SLC17A1: variants seen among roughly 807,000 people sequenced by gnomAD.
SLC17A1 encodes solute carrier family 17 member 1.
Under a neutral mutation model 53.5 loss-of-function variants are expected in SLC17A1, and 51 were observed. The ratio of observed to expected loss-of-function variants is 0.95; its 90% CI spans 0.76 to 1.20. The LOEUF is 1.20. Among genes scored for constraint, SLC17A1 ranks in the 50% most tolerant of loss-of-function variants. SLC17A1 has a pLI of 0.00. For synonymous variants in SLC17A1, 179 were observed against 198.8 expected (o/e 0.90, Z 0.84); for missense variants, 538 against 568.2 (o/e 0.95, Z 0.54).
At chr6:25,742,763 C>T in the SLC17A1 span, among the ~76,000 whole-genome samples, 1 of 152,064 alleles carries the variant, frequency 6.6e-6, no homozygotes, top group South Asian at 2.1e-4. Flanking sequence ...ATGATCCTGC[C>T]ACTGCACTGG....
At chr6:25,768,814 C>A in the SLC17A1 span, among the ~76,000 whole-genome samples, 3 of 152,302 alleles carry the variant, frequency 2.0e-5, no homozygotes, top group East Asian at 5.8e-4. Context: ...GGAGCCACCT[C>A]CCCCATTACC....
chr6:25,811,881 G>T, intron 8 of SLC17A1, 111 bp from the exon 9 acceptor site: 1 of 1,177,658 alleles, frequency 8.5e-7, no homozygotes, highest in Non-Finnish European at 1.2e-6. Flanking sequence ...TTTCATATAG[G>T]AAATCATCAA....
chr6:25,738,492 A>G, the SLC17A1 span, among the ~76,000 whole-genome samples: 1 of 151,702 alleles, frequency 6.6e-6, no homozygotes, highest in African/African-American at 2.4e-5. Context: ...TTTTGAGTCT[A>G]GATGTATGCA....
the SLC17A1 span, among the ~76,000 whole-genome samples, chr6:25,735,814 G>T: frequency 2.0e-5 from 3 of 152,150 alleles, no homozygotes; most frequent in African/African-American, 7.2e-5. Flanking sequence ...GATGAAAATG[G>T]TCAATCAGGG....
At chr6:25,724,813 G>T in the SLC17A1 span, among the ~76,000 whole-genome samples, 3 of 152,110 alleles carry the variant, frequency 2.0e-5, no homozygotes, top group Non-Finnish European at 4.4e-5. Context: ...ACATATAGTT[G>T]CCATTTCTGT....
the SLC17A1 span, among the ~76,000 whole-genome samples, chr6:25,749,490 C>T: frequency 0.012 from 1,641 of 141,526 alleles, 20 homozygotes; most frequent in South Asian, 0.036. Flanking sequence ...GGAGACAAAA[C>T]CTAAAAAAAT....
chr6:25,726,911 G>C, the SLC17A1 span: 2 of 1,611,302 alleles, frequency 1.2e-6, no homozygotes, highest in Non-Finnish European at 1.7e-6. Context: ...TGGTAGCTAT[G>C]CCGGAGGTGT....
intron 12 of SLC17A1, among the ~76,000 whole-genome samples, chr6:25,784,532 T>C (rs1167293549): frequency 6.6e-6 from 1 of 152,108 alleles, no homozygotes; most frequent in Non-Finnish European, 1.5e-5. Context: ...TCTCCTGAAC[T>C]CAGAGTGAGA....
At chr6:25,726,783 T>C in the SLC17A1 span, 1 of 1,269,786 alleles carries the variant, frequency 7.9e-7, no homozygotes, top group Admixed American at 2.3e-5. Flanking sequence ...TTCTGTTTGT[T>C]TACTTGGCGA....
chr6:25,768,913 CCTT>C, the SLC17A1 span: 2 of 1,362,084 alleles, frequency 1.5e-6, no homozygotes, highest in Non-Finnish European at 2.1e-6. Flanking sequence ...CCAATCTTCT[CCTT>C]CTTCCAGACT....
At chr6:25,753,994 G>A in the SLC17A1 span, among the ~76,000 whole-genome samples, 2 of 152,200 alleles carry the variant, frequency 1.3e-5, no homozygotes, top group Non-Finnish European at 2.9e-5. Context: ...TGAGACACGA[G>A]GAAAATCAGA....
At chr6:25,730,528 G>A in the SLC17A1 span, among the ~76,000 whole-genome samples, 1 of 152,148 alleles carries the variant, frequency 6.6e-6, no homozygotes, top group Non-Finnish European at 1.5e-5. Context: ...TTGGTTAAAG[G>A]ATATGAAATT....
intron 8 of SLC17A1, among the ~76,000 whole-genome samples, chr6:25,812,627 A>C (rs1020801699): frequency 6.6e-6 from 1 of 152,176 alleles, no homozygotes; most frequent in Non-Finnish European, 1.5e-5. Context: ...CTGTTGCTGG[A>C]GTGCCAGACA....
Position 25,813,173 on chromosome 6 carries a change from C to T in SLC17A1, c.657G>A (p.Leu219=). 6.2e-7 allele frequency: 1 copy of T among 1,614,136 alleles called. No homozygotes were observed. The part of the protein sequence containing the change: ...GCAVCLLWFV[L]FYDDPKDHPC... ...GGTGGTCTTTGGGGTCATCATAAAA[C>T]AGAACGAACCAGAGAAGACATACGG... The change falls in exon 7 of 13, where the codon CTG becomes CTA. Residue 219 remains leucine, a synonymous_variant. Transcript: ENST00000244527.
At chr6:25,830,717 A>G (rs980761559) in intron 1 of SLC17A1, 110 bp from the exon 2 acceptor site, 20 of 612,410 alleles carry the variant, frequency 3.3e-5, no homozygotes, top group South Asian at 1.2e-4. Flanking sequence ...AACTTGCTCC[A>G]TCACAGCAGT....
chr6:25,782,282 C>A (rs1179014368), downstream of SLC17A1, among the ~76,000 whole-genome samples: 1 of 152,146 alleles, frequency 6.6e-6, no homozygotes, highest in Non-Finnish European at 1.5e-5. Context: ...CTGCAGGTTG[C>A]CTGGCAGGGC....
the SLC17A1 span, among the ~76,000 whole-genome samples, chr6:25,725,095 C>A: frequency 6.7e-6 from 1 of 149,760 alleles, no homozygotes; most frequent in Non-Finnish European, 1.5e-5. Context: ...GGCAGCGTTA[C>A]TGAATGGGTT....
the SLC17A1 span, among the ~76,000 whole-genome samples, chr6:25,742,915 C>T: frequency 8.3e-4 from 126 of 152,284 alleles, no homozygotes; most frequent in Non-Finnish European, 7.9e-4. Flanking sequence ...GACAATCTAT[C>T]CTGAAAATAC....
the SLC17A1 span, chr6:25,770,260 C>T: frequency 6.2e-7 from 1 of 1,614,118 alleles, no homozygotes; most frequent in East Asian, 2.2e-5. Flanking sequence ...GCGGGAGTGG[C>T]CTTGCTCATT....
Sources: allele counts gnomAD v4.1 joint callset (sites outside exome capture counted in the v4.1 genomes callset), GRCh38; gene constraint gnomAD v4.1.1; transcripts MANE v1.5; gene names NCBI Gene and HGNC (gene_info 2026-07-23, HGNC 2026-07-21).